The following TOGARAM1 variants were observed in gnomAD, a reference collection of about 807,000 sequenced individuals.
The protein encoded by TOGARAM1 is TOG array regulator of axonemal microtubules 1.
In TOGARAM1, 100 loss-of-function variants were observed where a neutral mutation model predicts 166.6. That is an observed-to-expected ratio of 0.60 (90% confidence interval 0.51 to 0.71). TOGARAM1 has a LOEUF of 0.71. Among genes scored for constraint, TOGARAM1 ranks in the 30% least tolerant of loss-of-function variants. The pLI, the probability that TOGARAM1 is intolerant of heterozygous loss-of-function variation, is 0.00. For missense variants in TOGARAM1, 2,029 were observed against 2,102.7 expected, an observed-to-expected ratio of 0.96 and a Z score of 0.69; for synonymous variants, 758 against 763.8, an observed-to-expected ratio of 0.99 and a Z score of 0.13.
chr14:45,056,678 C>T (rs776109118), intron 16 of TOGARAM1, among the ~76,000 whole-genome samples: 4 of 151,662 alleles, frequency 2.6e-5, no homozygotes, highest in Non-Finnish European at 5.9e-5. Context: ...TTTTTAATTC[C>T]GTGTGTTAAA....
intron 8 of TOGARAM1, among the ~76,000 whole-genome samples, chr14:45,026,643 T>G (rs1206769648): frequency 6.6e-6 from 1 of 152,098 alleles, no homozygotes; most frequent in East Asian, 1.9e-4. Flanking sequence ...CTTCTTTACT[T>G]TATACAGATC....
chr14:45,032,787 G>T (rs1378528680), intron 11 of TOGARAM1, among the ~76,000 whole-genome samples: 1 of 152,184 alleles, frequency 6.6e-6, no homozygotes, highest in Admixed American at 6.5e-5. Context: ...CAGTGGCAAT[G>T]TGCATCCCAC....
At chr14:44,974,552 C>G (rs934714905) in intron 1 of TOGARAM1, among the ~76,000 whole-genome samples, 1 of 151,770 alleles carries the variant, frequency 6.6e-6, no homozygotes, top group Non-Finnish European at 1.5e-5. Flanking sequence ...TTTTACTGTG[C>G]CTTATTATTT....
At chr14:44,985,205 G>A (rs1263943740) in intron 1 of TOGARAM1, among the ~76,000 whole-genome samples, 1 of 152,098 alleles carries the variant, frequency 6.6e-6, no homozygotes, top group African/African-American at 2.4e-5. Context: ...GTAGAGACGA[G>A]GTTTCACAAT....
chr14:44,997,845 G>A lies in TOGARAM1; in HGVS notation c.2204-1518G>A, dbSNP rs185418829. 2.6e-5 allele frequency among the ~76,000 whole-genome samples: 4 copies of A among 152,188 alleles called. No homozygotes were observed. In the East Asian group the frequency reaches 7.7e-4, roughly 29 times the overall value. ...AGAAGAAAGAGGTTGAGGAGGTTGAGCTTGAGTTCTAAATGATAGTTTAGG... is the reference window on the plus strand; with the variant it reads ...AGAAGAAAGAGGTTGAGGAGGTTGAACTTGAGTTCTAAATGATAGTTTAGG... On this transcript the variant is annotated intron_variant, in intron 2 of 19. Transcript: ENST00000361462.
intron 16 of TOGARAM1, among the ~76,000 whole-genome samples, chr14:45,065,097 TGA>T (rs1883077482): frequency 6.6e-6 from 1 of 152,162 alleles, no homozygotes; most frequent in South Asian, 2.1e-4. Flanking sequence ...TTACTTGCAG[TGA>T]GCCAAGATCA....
chr14:45,065,955 C>A (rs928693407), intron 16 of TOGARAM1, among the ~76,000 whole-genome samples: 1 of 152,174 alleles, frequency 6.6e-6, no homozygotes, highest in Non-Finnish European at 1.5e-5. Context: ...TCTTCGCTGA[C>A]ATGGGAAACT....
rs529414805 is a variant in TOGARAM1, at chr14:44,963,312, T to C, written c.891T>C (p.Ser297=). Residue 297 remains serine (S), a synonymous_variant, in exon 1 of 20, where the codon TCT becomes TCC. Transcript: ENST00000361462. ...LGQDRFQSYI[S]RLPSALRRHY... ...AAGACAGGTTTCAATCTTACATTTC[T>C]CGTCTGCCCTCTGCCCTGAGGAGAC... 190 of 1,614,186 alleles carry C rather than the reference T, an allele frequency of 1.2e-4. 5 individuals carry two copies. In the South Asian group the frequency reaches 1.9e-3, roughly 17 times the overall value.
chr14:45,015,532 T>C (rs1032445383), intron 7 of TOGARAM1, among the ~76,000 whole-genome samples: 8 of 151,370 alleles, frequency 5.3e-5, no homozygotes, highest in African/African-American at 1.9e-4. Flanking sequence ...AAATGTAAAT[T>C]AAAATTTTTG....
At chr14:44,999,654 A>G (rs1451767893) in intron 3 of TOGARAM1, among the ~76,000 whole-genome samples, 157 bp downstream of exon 3, 2 of 152,230 alleles carry the variant, frequency 1.3e-5, no homozygotes, top group Admixed American at 6.5e-5. Context: ...TTGTTACCCT[A>G]AAGTATTAGT....
At position 45,073,221 on chromosome 14, in the gene TOGARAM1, A is replaced by G. The variant is rs1418312323; in HGVS notation, c.5057-75A>G. Reference sequence around the variant, plus strand: ...ATAAGGAAGAAGCTTAGTATATTTTAGTTGCTTTTTATTTAGCAGAGCTTG... The same window carrying G: ...ATAAGGAAGAAGCTTAGTATATTTTGGTTGCTTTTTATTTAGCAGAGCTTG... On this transcript the variant is annotated intron_variant, in intron 19 of 19. Transcript: ENST00000361462. 3.7e-6 allele frequency: 5 copies of G among 1,363,020 alleles called. No individual in the cohort carries two copies. In the Admixed American group the frequency reaches 1.1e-4, roughly 29 times the overall value. The allele number at this position is 1,363,020 out of a possible 1,614,324, so 84.4% of individuals were successfully genotyped here.
At chr14:45,055,322 G>C (rs2138979644) in intron 16 of TOGARAM1, among the ~76,000 whole-genome samples, 1 of 152,236 alleles carries the variant, frequency 6.6e-6, no homozygotes, top group Middle Eastern at 3.4e-3. Flanking sequence ...CTCCATGTAT[G>C]TTCTTGTCAG....
chr14:45,040,677 C>T (rs1403799645), intron 11 of TOGARAM1, among the ~76,000 whole-genome samples: 1 of 151,646 alleles, frequency 6.6e-6, no homozygotes, highest in Non-Finnish European at 1.5e-5. Flanking sequence ...CCCCAAAATT[C>T]AACAACTTAG....
Position 45,028,217 on chromosome 14 carries a change from A to T in TOGARAM1, c.3546A>T (p.Arg1182Ser). The change falls in exon 10 of 20, where the codon AGA becomes AGT. Residue 1182 changes from arginine to serine, a missense_variant. Arg to Ser is a moderately radical substitution (Grantham distance 110, BLOSUM62 -1). Transcript: ENST00000361462. ...SISKSTYNKM[R>S]QKRKEEKELF... ...CTAAATCTACTTATAACAAGATGAG[A>T]CAAAAGAGAAAAGAAGAGAAAGAAC... 3.1e-6 allele frequency: 5 copies of T among 1,593,996 alleles called. No individual in the cohort carries two copies. The East Asian group carries it at 6.7e-5, about 21-fold the overall frequency.
At position 45,041,786 on chromosome 14, in the gene TOGARAM1, G is replaced by A. The variant is rs1229603376; in HGVS notation, c.3813-1900G>A. ...TTTTTGTCTTTGTTTGTTTGAGACA[G>A]AGTCTCACTGTGTCACCCAGGCTGA... On this transcript the variant is annotated intron_variant, in intron 11 of 19. Coordinates refer to ENST00000361462, the MANE Select transcript of TOGARAM1 (RefSeq NM_001308120.2). 3.9e-5 allele frequency among the ~76,000 whole-genome samples: 6 copies of A among 152,326 alleles called. No homozygotes were observed. The East Asian group carries it at 1.2e-3, about 29-fold the overall frequency.
chr14:44,978,888 C>T (rs577009111), intron 1 of TOGARAM1, among the ~76,000 whole-genome samples: 7 of 151,392 alleles, frequency 4.6e-5, no homozygotes, highest in Admixed American at 4.6e-4. Flanking sequence ...AGTCTCAGCT[C>T]CTCAGGAGGC....
At position 45,044,718 on chromosome 14, in the gene TOGARAM1, T is replaced by G. The variant is rs1450053313; in HGVS notation, c.4002T>G (p.Asp1334Glu). Residue 1334 changes from aspartate (D) to glutamate (E), a missense_variant, in exon 13 of 20, where the codon GAT (aspartate) becomes GAG (glutamate). This residue lies in a region of TOGARAM1 where 576 missense variants were observed against 670.5 expected (regional missense o/e 0.86). Coordinates refer to ENST00000361462, the MANE Select transcript of TOGARAM1 (RefSeq NM_001308120.2). ...DLFTYLKKSM[D>E]QELDTTVKVL... ...TCACTTATTTGAAAAAGAGCATGGATCAAGAGCTAGATACCACAGTAAAAG... is the reference window on the plus strand; with the variant it reads ...TCACTTATTTGAAAAAGAGCATGGAGCAAGAGCTAGATACCACAGTAAAAG... The G allele has an allele frequency of 8.7e-6, 14 of 1,613,940 alleles. No individual in the cohort carries two copies. In the African/African-American group the frequency reaches 1.9e-4, roughly 22 times the overall value.
Position 45,027,291 on chromosome 14 carries a change from G to T in TOGARAM1, c.3329-8G>T. ...GTTAATGACTATTTGGTGGTTGGTT[G>T]ATTTCAGGCGTATTTGGAAGTTTAA... On this transcript the variant is annotated splice_polypyrimidine_tract_variant and splice_region_variant and intron_variant, in intron 8 of 19. Coordinates refer to ENST00000361462, the MANE Select transcript of TOGARAM1 (RefSeq NM_001308120.2). 2 of 1,612,198 alleles carry T rather than the reference G, an allele frequency of 1.2e-6. No individual in the cohort carries two copies. Among genetic ancestry groups the T allele is most frequent in the Non-Finnish European group, 8.5e-7 (1 of 1,179,410 alleles).
intron 7 of TOGARAM1, among the ~76,000 whole-genome samples, chr14:45,013,212 A>T (rs1879917434): frequency 6.6e-6 from 1 of 152,240 alleles, no homozygotes; most frequent in African/African-American, 2.4e-5. Context: ...CTGTGAAAAG[A>T]GCTCAGTTGC....
Sources: allele counts gnomAD v4.1 joint callset (sites outside exome capture counted in the v4.1 genomes callset), GRCh38; gene constraint gnomAD v4.1.1; regional missense constraint gnomAD v4.1.1; transcripts MANE v1.5; gene names NCBI Gene and HGNC (gene_info 2026-07-23, HGNC 2026-07-21).